THBS4: variants seen among roughly 807,000 people sequenced by gnomAD.
THBS4 encodes thrombospondin 4.
THBS4 carries 90 observed loss-of-function variants against 115.7 expected under a neutral mutation model. The observed-to-expected ratio is 0.78, with a 90% confidence interval of 0.66 to 0.93. The LOEUF (loss-of-function observed/expected upper bound fraction) is 0.93. Ranked by LOEUF, THBS4 falls within the 40% of genes least tolerant of loss-of-function variation. The pLI is 0.00. For missense variants in THBS4, 1,087 were observed against 1,232.7 expected, an observed-to-expected ratio of 0.88 and a Z score of 1.77; for synonymous variants, 460 against 479.3, an observed-to-expected ratio of 0.96 and a Z score of 0.53.
intron 20 of THBS4, among the ~76,000 whole-genome samples, chr5:80,081,168 G>A (rs367671113): frequency 3.1e-4 from 47 of 152,190 alleles, no homozygotes; most frequent in African/African-American, 1.1e-3. Flanking sequence ...TCCTCATCAG[G>A]GCAGGAAAGC....
At chr5:79,996,930 A>G (rs1245813927) in intron 1 of THBS4, among the ~76,000 whole-genome samples, 1 of 152,176 alleles carries the variant, frequency 6.6e-6, no homozygotes, top group East Asian at 1.9e-4. Flanking sequence ...CTAATATACC[A>G]ATAGACTGTG....
chr5:80,006,471 C>G (rs1832021963), intron 2 of THBS4, among the ~76,000 whole-genome samples: 2 of 152,204 alleles, frequency 1.3e-5, no homozygotes, highest in African/African-American at 4.8e-5. Flanking sequence ...TGTGAGGCTT[C>G]CCCAGCCATG....
intron 2 of THBS4, among the ~76,000 whole-genome samples, chr5:80,011,741 G>T (rs899784896): frequency 4.6e-5 from 7 of 152,066 alleles, no homozygotes. Flanking sequence ...GAGGACACAC[G>T]TCCAACCTGC....
intron 2 of THBS4, among the ~76,000 whole-genome samples, 199 bp from the exon 3 acceptor site, chr5:80,055,586 A>G (rs770279956): frequency 6.3e-4 from 66 of 105,444 alleles, no homozygotes; most frequent in Non-Finnish European, 8.9e-4. Flanking sequence ...GTTGGTTCCC[A>G]GTGCCTGAAA....
chr5:80,079,849 G>A, intron 19 of THBS4, 56 bp from the exon 20 acceptor site: 2 of 1,555,220 alleles, frequency 1.3e-6, no homozygotes. Context: ...GATCCAGGAA[G>A]CAGGAAGGGT....
chr5:80,074,839 C>T (rs1469167467), intron 15 of THBS4, among the ~76,000 whole-genome samples: 2 of 152,094 alleles, frequency 1.3e-5, no homozygotes, highest in African/African-American at 4.8e-5. Flanking sequence ...TCTCGAACTC[C>T]TGGCCTCAAG....
Position 80,035,472 on chromosome 5 carries a change from G to A in THBS4, c.-66G>A. 1.7e-6 allele frequency: 2 copies of A among 1,168,532 alleles called. No individual in the cohort carries two copies. The highest frequency in any genetic ancestry group is 2.2e-6 in the Non-Finnish European group (2 of 921,400). 72.4% of individuals were successfully genotyped at this position (1,168,532 alleles called of 1,614,324 possible). On this transcript the variant is annotated 5_prime_UTR_variant, in exon 1 of 22. Coordinates refer to ENST00000350881, the MANE Select transcript of THBS4 (RefSeq NM_003248.6). The surrounding 1 kb of genome is among the most constrained non-coding windows in gnomAD (Gnocchi z 4.6). ...CCGACCGAGGTTCAACGCACGGCCC[G>A]GGGACCCCCAGGCGGGGCCAACGCC...
chr5:79,993,140 C>G (rs1253094384), intron 1 of THBS4, among the ~76,000 whole-genome samples: 1 of 152,216 alleles, frequency 6.6e-6, no homozygotes, highest in Non-Finnish European at 1.5e-5. Flanking sequence ...TTCCGTACTG[C>G]TGCTACTACA....
intron 2 of THBS4, among the ~76,000 whole-genome samples, chr5:80,013,683 G>A (rs1261068708): frequency 6.6e-6 from 1 of 152,098 alleles, no homozygotes; most frequent in Non-Finnish European, 1.5e-5. Flanking sequence ...ACAGGTCTGG[G>A]TTTAAACCCC....
chr5:79,992,401 C>T (rs368299317), intron 1 of THBS4, among the ~76,000 whole-genome samples: 7 of 152,162 alleles, frequency 4.6e-5, no homozygotes, highest in East Asian at 1.9e-4. Context: ...TGCAACTTTT[C>T]GTAAAATTAC....
upstream of THBS4, among the ~76,000 whole-genome samples, chr5:80,032,929 G>A (rs149260265): frequency 1.5e-4 from 23 of 152,284 alleles, no homozygotes; most frequent in African/African-American, 5.5e-4. Flanking sequence ...TAACCATCAT[G>A]ATGTGCAAGC....
At chr5:80,045,040 T>C (rs1220496624) in intron 2 of THBS4, among the ~76,000 whole-genome samples, 17 of 152,186 alleles carry the variant, frequency 1.1e-4, no homozygotes, top group Admixed American at 1.1e-3. Context: ...GGGATAATAA[T>C]AGCTACCTCA....
At position 80,080,403 on chromosome 5, in the gene THBS4, C is replaced by G. The variant is rs149575514; in HGVS notation, c.2684+326C>G. Among the ~76,000 whole-genome samples the G allele has an allele frequency of 1.0e-3, 158 of 151,934 alleles. 3 individuals carry two copies. The Middle Eastern group carries it at 0.014, about 13-fold the overall frequency. On this transcript the variant is annotated intron_variant, in intron 20 of 21. Coordinates refer to ENST00000350881, the MANE Select transcript of THBS4 (RefSeq NM_003248.6). ...CAGAGAAGCCTGAGGGTGGACATGC[C>G]AATCGGTATGAGGTAAGAGGTGTGG...
At chr5:80,028,091 T>C (rs550807067) in intron 2 of THBS4, among the ~76,000 whole-genome samples, 1 of 151,892 alleles carries the variant, frequency 6.6e-6, no homozygotes, top group East Asian at 1.9e-4. Context: ...AGTGCACACC[T>C]GCAATCCCAG....
intron 2 of THBS4, among the ~76,000 whole-genome samples, chr5:80,011,489 A>G (rs1832125331): frequency 6.6e-6 from 1 of 152,200 alleles, no homozygotes; most frequent in South Asian, 2.1e-4. Flanking sequence ...CAATCACAAG[A>G]GGGAAGGAAA....
chr5:80,063,028 A>C (rs754517430), intron 8 of THBS4, among the ~76,000 whole-genome samples: 10 of 152,222 alleles, frequency 6.6e-5, no homozygotes, highest in Non-Finnish European at 1.3e-4. Flanking sequence ...AGCATGATTT[A>C]TAAGCCTTTG....
intron 9 of THBS4, among the ~76,000 whole-genome samples, chr5:80,066,032 T>G (rs537088116): frequency 1.4e-3 from 211 of 149,942 alleles, no homozygotes; most frequent in Non-Finnish European, 2.6e-3. Flanking sequence ...CAGGCGGAGC[T>G]TGCAGTGAGC....
chr5:80,033,149 A>G, upstream of THBS4: 1 of 374,792 alleles, frequency 2.7e-6, no homozygotes, highest in Non-Finnish European at 5.4e-6. Context: ...TAAAAAGAAA[A>G]ACTGGCACCT....
At chr5:80,063,665 A>G (rs17880126) in intron 8 of THBS4, among the ~76,000 whole-genome samples, 6,701 of 152,284 alleles carry the variant, frequency 0.044, 490 homozygotes, top group African/African-American at 0.15. Context: ...TAGGAATGAT[A>G]AGAAGCTGTT....
Sources: allele counts gnomAD v4.1 joint callset (sites outside exome capture counted in the v4.1 genomes callset), GRCh38; gene constraint gnomAD v4.1.1; non-coding constraint Gnocchi (gnomAD v3.1); transcripts MANE v1.5; gene names NCBI Gene and HGNC (gene_info 2026-07-23, HGNC 2026-07-21).